The following XKR9 variants were observed in gnomAD, a reference collection of about 807,000 sequenced individuals.
XKR9 encodes XK-related protein 9.
A neutral mutation model predicts 32.0 loss-of-function variants in XKR9; 32 were observed. The ratio of observed to expected loss-of-function variants is 1.00; its 90% CI spans 0.76 to 1.34. The LOEUF is 1.34. XKR9 is among the 40% of genes most tolerant of loss of function. XKR9 has a pLI of 0.00. For synonymous variants in XKR9, 168 were observed against 143.4 expected, an observed-to-expected ratio of 1.17 and a Z score of -1.22; for missense variants, 546 against 429.7, an observed-to-expected ratio of 1.27 and a Z score of -2.39.
chr8:70,696,248 GTCCTT>G (rs1554545661), intron 3 of XKR9, among the ~76,000 whole-genome samples: 1 of 152,158 alleles, frequency 6.6e-6, no homozygotes, highest in Non-Finnish European at 1.5e-5. Context: ...TAGACATGAA[GTCCTT>G]GCCCATGCCT....
the XKR9 span, among the ~76,000 whole-genome samples, chr8:70,882,779 A>T: frequency 6.6e-6 from 1 of 151,994 alleles, no homozygotes. Context: ...TTATTAATAA[A>T]CATAGACAGT....
chr8:70,842,338 A>C, the XKR9 span, among the ~76,000 whole-genome samples: 1 of 152,196 alleles, frequency 6.6e-6, no homozygotes, highest in Non-Finnish European at 1.5e-5. Context: ...AAGATGTATT[A>C]GGCTAATCTT....
intron 3 of XKR9, chr8:70,683,676 T>C (rs1411220984): frequency 2.7e-6 from 1 of 373,306 alleles, no homozygotes; most frequent in Non-Finnish European, 5.4e-6. Context: ...TTAGTAGAAA[T>C]GGGGTTTAGT....
the XKR9 span, among the ~76,000 whole-genome samples, chr8:70,839,566 G>A: frequency 6.6e-6 from 1 of 152,114 alleles, no homozygotes; most frequent in African/African-American, 2.4e-5. Context: ...ATTTTAGTGA[G>A]CCACTCTAAC....
chr8:70,844,962 C>T, the XKR9 span, among the ~76,000 whole-genome samples: 1 of 152,212 alleles, frequency 6.6e-6, no homozygotes, highest in Non-Finnish European at 1.5e-5. Flanking sequence ...CAAGCAAGCT[C>T]TCCAGAGGCA....
chr8:70,742,525 A>G (rs979464825), intron 2 of XKR9, among the ~76,000 whole-genome samples: 2 of 152,158 alleles, frequency 1.3e-5, no homozygotes, highest in South Asian at 2.1e-4. Context: ...TCTATGTGTT[A>G]TTATTTCTCT....
At chr8:70,980,871 A>G in the XKR9 span, among the ~76,000 whole-genome samples, 1 of 152,338 alleles carries the variant, frequency 6.6e-6, no homozygotes, top group East Asian at 1.9e-4. Flanking sequence ...TGTCTGAAAA[A>G]GACCATGTTT....
the XKR9 span, among the ~76,000 whole-genome samples, chr8:71,016,135 A>T: frequency 2.6e-5 from 4 of 152,140 alleles, no homozygotes; most frequent in Non-Finnish European, 5.9e-5. Context: ...TTAAGGAAAA[A>T]ATATAATAGC....
chr8:71,009,652 G>A, the XKR9 span, among the ~76,000 whole-genome samples: 6 of 152,134 alleles, frequency 3.9e-5, no homozygotes, highest in Admixed American at 2.0e-4. Context: ...GGGAGCTGAG[G>A]GGATGGGGAA....
chr8:70,772,266 C>T (rs372737989), intron 2 of XKR9, among the ~76,000 whole-genome samples: 1 of 152,084 alleles, frequency 6.6e-6, no homozygotes, highest in Admixed American at 6.6e-5. Context: ...ACATGTTTGC[C>T]GTCTGTCTGG....
At chr8:70,684,359 C>T (rs1030932210) in intron 3 of XKR9, among the ~76,000 whole-genome samples, 1 of 152,036 alleles carries the variant, frequency 6.6e-6, no homozygotes, top group East Asian at 1.9e-4. Context: ...TATTTTTGAA[C>T]TCTTTGTGAT....
At chr8:70,881,845 G>A in the XKR9 span, among the ~76,000 whole-genome samples, 1 of 152,186 alleles carries the variant, frequency 6.6e-6, no homozygotes, top group Admixed American at 6.5e-5. Flanking sequence ...ATTCACAATA[G>A]CAAAGACTTG....
chr8:70,941,600 G>A, the XKR9 span, among the ~76,000 whole-genome samples: 2 of 152,100 alleles, frequency 1.3e-5, no homozygotes, highest in African/African-American at 4.8e-5. Flanking sequence ...TTATAATGGT[G>A]ATATACTGCT....
the XKR9 span, among the ~76,000 whole-genome samples, chr8:71,039,037 C>G: frequency 6.6e-6 from 1 of 151,990 alleles, no homozygotes; most frequent in African/African-American, 2.4e-5. Context: ...CTCCTGACCT[C>G]AAGTGATCCG....
the XKR9 span, among the ~76,000 whole-genome samples, chr8:70,809,688 G>GT: frequency 6.6e-6 from 1 of 152,168 alleles, no homozygotes; most frequent in African/African-American, 2.4e-5. Flanking sequence ...GGAAGAAAGG[G>GT]TATCAGTGAT....
the XKR9 span, among the ~76,000 whole-genome samples, chr8:70,997,216 G>C: frequency 4.9e-4 from 74 of 152,018 alleles, no homozygotes; most frequent in African/African-American, 1.8e-3. Context: ...AGAATCGCTT[G>C]AACCCGGAAG....
the XKR9 span, among the ~76,000 whole-genome samples, chr8:70,852,596 C>T: frequency 2.0e-5 from 3 of 152,132 alleles, no homozygotes; most frequent in Admixed American, 1.3e-4. Flanking sequence ...TTGGAAACAA[C>T]CTAAATGCCC....
chr8:70,705,161 A>G lies in XKR9; in HGVS notation c.273-1772A>G, dbSNP rs541673695. 5.8e-4 allele frequency among the ~76,000 whole-genome samples: 88 copies of G among 152,262 alleles called. 1 individual carries two copies. Among genetic ancestry groups the G allele is most frequent in the African/African-American group, 2.0e-3 (85 of 41,562 alleles). ...CAAAGCCCTTTCATACCTACCATCT[A>G]TTTATCTTTATGGAAAAAAATGTCA... On this transcript the variant is annotated intron_variant, in intron 3 of 4. Coordinates refer to ENST00000408926, the MANE Select transcript of XKR9 (RefSeq NM_001011720.2).
chr8:70,827,240 C>T, the XKR9 span, among the ~76,000 whole-genome samples: 3 of 152,158 alleles, frequency 2.0e-5, no homozygotes, highest in South Asian at 2.1e-4. Context: ...TATATGTGTA[C>T]ATGTGATTTG....
Sources: gnomAD v4.1 joint callset for allele counts (sites outside exome capture counted in the v4.1 genomes callset) on GRCh38, gnomAD v4.1.1 for gene constraint, MANE v1.5 for transcripts, NCBI Gene and HGNC (gene_info 2026-07-23, HGNC 2026-07-21) for gene names.